ZFP1: variants seen among roughly 807,000 people sequenced by gnomAD.
The protein encoded by ZFP1 is zinc finger protein 1 homolog.
ZFP1 carries 32 observed loss-of-function variants against 38.5 expected under a neutral mutation model. The ratio of observed to expected loss-of-function variants is 0.83; its 90% CI spans 0.63 to 1.12. The LOEUF is 1.12. Ranked by LOEUF, ZFP1 falls within the 50% of genes most tolerant of loss-of-function variation. The pLI is 0.00. For synonymous variants in ZFP1, 245 were observed against 168.8 expected (o/e 1.45, Z -3.50); for missense variants, 616 against 480.8 (o/e 1.28, Z -2.63).
At chr16:75,130,782 T>G in the ZFP1 span, among the ~76,000 whole-genome samples, 1 of 152,022 alleles carries the variant, frequency 6.6e-6, no homozygotes, top group East Asian at 1.9e-4. Flanking sequence ...AATACTCACA[T>G]GAGTAAATCC....
intron 1 of ZFP1, 176 bp downstream of exon 1, chr16:75,148,819 G>A (rs1272077151): frequency 2.0e-5 from 3 of 152,312 alleles, no homozygotes; most frequent in Non-Finnish European, 4.4e-5. Context: ...GGGGCCGGCG[G>A]GGCACGCCTG....
In ZFP1 at chr16:75,169,365, C is replaced by G. The variant is rs150268854; in HGVS notation, c.255C>G (p.Leu85=). ...NQTPIEERGD[L]FGKALNLNTD... ...CCCCAATTGAGGAAAGAGGCGATCT[C>G]TTTGGAAAAGCACTTAATCTGAACA... Residue 85 remains leucine (L), a synonymous_variant, in exon 4 of 4, where the codon CTC becomes CTG. Transcript: ENST00000570010. The G allele has an allele frequency of 4.2e-5, 68 of 1,614,170 alleles. No homozygotes were observed. In the African/African-American group the frequency reaches 6.8e-4, roughly 16 times the overall value.
At chr16:75,128,798 T>G in the ZFP1 span, among the ~76,000 whole-genome samples, 1 of 152,206 alleles carries the variant, frequency 6.6e-6, no homozygotes, top group East Asian at 1.9e-4. Flanking sequence ...GTTGTTTGTT[T>G]ATTTTTGAGA....
At chr16:75,127,519 C>T in the ZFP1 span, among the ~76,000 whole-genome samples, 4 of 152,218 alleles carry the variant, frequency 2.6e-5, no homozygotes, top group East Asian at 7.7e-4. Flanking sequence ...TGGGGTTTCG[C>T]CATGTTGGCC....
At chr16:75,160,104 A>G (rs1466430195) in intron 2 of ZFP1, among the ~76,000 whole-genome samples, 2 of 152,218 alleles carry the variant, frequency 1.3e-5, no homozygotes, top group African/African-American at 2.4e-5. Flanking sequence ...GGAACTAGCC[A>G]AAGATTTGAG....
intron 2 of ZFP1, among the ~76,000 whole-genome samples, chr16:75,153,815 T>C (rs1211624709): frequency 2.0e-5 from 3 of 152,190 alleles, no homozygotes; most frequent in African/African-American, 4.8e-5. Context: ...ATAGGTTCAC[T>C]GCCCTGAAAA....
At chr16:75,165,064 C>T (rs2037991201) in intron 2 of ZFP1, among the ~76,000 whole-genome samples, 1 of 152,064 alleles carries the variant, frequency 6.6e-6, no homozygotes, top group Non-Finnish European at 1.5e-5. Flanking sequence ...TTCAGCCTCC[C>T]AAAGTGCTGG....
intron 2 of ZFP1, chr16:75,157,270 AGTCTCACTCT>A (rs2037518292): frequency 8.0e-6 from 1 of 124,324 alleles, no homozygotes; most frequent in Non-Finnish European, 1.6e-5. Context: ...TTTTTGAGAC[AGTCTCACTCT>A]GTCTCCCAGG....
At chr16:75,145,167 G>T (rs959414835), upstream of ZFP1, among the ~76,000 whole-genome samples, 4 of 152,208 alleles carry the variant, frequency 2.6e-5, no homozygotes, top group Non-Finnish European at 4.4e-5. Flanking sequence ...GAACATTGGT[G>T]TAAACACCTT....
intron 1 of ZFP1, among the ~76,000 whole-genome samples, chr16:75,150,700 C>G (rs578110759): frequency 1.3e-5 from 2 of 152,006 alleles, no homozygotes; most frequent in African/African-American, 2.4e-5. Context: ...AAGTGCTTTA[C>G]AGGCGTGAGC....
chr16:75,166,710 TCTATC>T (rs2038105189), intron 2 of ZFP1, 55 bp from the exon 3 acceptor site: 2 of 1,612,392 alleles, frequency 1.2e-6, no homozygotes, highest in Admixed American at 1.7e-5. Context: ...AAAGTTTTCA[TCTATC>T]CTTTCTATAT....
chr16:75,151,088 G>A, intron 1 of ZFP1, among the ~76,000 whole-genome samples: 1 of 151,932 alleles, frequency 6.6e-6, no homozygotes, highest in Admixed American at 6.6e-5. Context: ...CAAACCCCTG[G>A]GCTCAAGCAG....
At position 75,170,247 on chromosome 16, in the gene ZFP1, A is replaced by C. The variant is rs781421216; in HGVS notation, c.1137A>C (p.Pro379=). 8.4e-5 allele frequency: 135 copies of C among 1,613,936 alleles called. 3 individuals are homozygous for C. The South Asian group carries it at 1.4e-3, about 16-fold the overall frequency. Residue 379 remains proline, a synonymous_variant, in exon 4 of 4, where the codon CCA becomes CCC. Coordinates refer to ENST00000570010, the MANE Select transcript of ZFP1 (RefSeq NM_153688.4). The stretch of plus-strand genomic sequence containing the variant: ...TGCGAATCCACACAGGAGAGAAACC[A>C]TATGAGTGTTCCGAATGTGGGAAGG... ...LHLRIHTGEK[P]YECSECGKAF...
intron 2 of ZFP1, among the ~76,000 whole-genome samples, chr16:75,165,620 C>T (rs1181148053): frequency 1.3e-5 from 2 of 152,154 alleles, no homozygotes; most frequent in African/African-American, 4.8e-5. Context: ...GTCCCGAACA[C>T]CTGTGATCCG....
Position 75,169,773 on chromosome 16 carries a change from C to T in ZFP1, c.663C>T (p.Phe221=). 1 of 1,613,506 alleles carries T rather than the reference C, an allele frequency of 6.2e-7. No individual in the cohort carries two copies. Among genetic ancestry groups the T allele is most frequent in the Non-Finnish European group, 8.5e-7 (1 of 1,179,790 alleles). Residue 221 remains phenylalanine (F), a synonymous_variant, in exon 4 of 4, where the codon TTC becomes TTT. Coordinates refer to ENST00000570010, the MANE Select transcript of ZFP1 (RefSeq NM_153688.4). ...AATGCAATGTATGTAAGAAAACCTT[C>T]TCCCATAAGGCCAACCTCATCAAAC... ...PYECNVCKKT[F]SHKANLIKHQ...
Position 75,169,657 on chromosome 16 carries a change from C to T in ZFP1, c.547C>T (p.Pro183Ser), listed in dbSNP as rs1233132900. Residue 183 changes from proline (P) to serine (S), a missense_variant, in exon 4 of 4, where the codon CCT (proline) becomes TCT (serine). By Grantham distance (74) the Pro-to-Ser change is moderately conservative. Transcript: ENST00000570010. ...KHQKIKNLVQ[P>S]FICTYCDKAF... is the part of the protein sequence containing the mutation. ...TCAGAAAATAAAAAACTTGGTTCAA[C>T]CTTTCATTTGTACTTACTGTGACAA... 1 of 1,601,666 alleles carries T rather than the reference C, an allele frequency of 6.2e-7. No homozygotes were observed. The highest frequency in any genetic ancestry group is 8.5e-7 in the Non-Finnish European group (1 of 1,176,568).
chr16:75,165,567 G>C (rs188441072), intron 2 of ZFP1, among the ~76,000 whole-genome samples: 5 of 152,004 alleles, frequency 3.3e-5, no homozygotes. Context: ...GATAATTTTT[G>C]TATTTTTAGT....
At chr16:75,128,520 TC>T in the ZFP1 span, among the ~76,000 whole-genome samples, 6 of 152,192 alleles carry the variant, frequency 3.9e-5, no homozygotes, top group African/African-American at 1.4e-4. Context: ...ATAGTAACAC[TC>T]ATTGTTAGAT....
chr16:75,137,953 C>T, the ZFP1 span, among the ~76,000 whole-genome samples: 1 of 151,040 alleles, frequency 6.6e-6, no homozygotes, highest in Admixed American at 6.6e-5. Context: ...AGACAAGCCT[C>T]ACCTGCAGAA....
Sources: allele counts gnomAD v4.1 joint callset (sites outside exome capture counted in the v4.1 genomes callset), GRCh38; gene constraint gnomAD v4.1.1; transcripts MANE v1.5; gene names NCBI Gene and HGNC (gene_info 2026-07-23, HGNC 2026-07-21).